ADAMTSL3: variants seen among roughly 807,000 people sequenced by gnomAD.
ADAMTSL3 encodes ADAMTS like 3, also known as ADAMTS-like protein 3.
In ADAMTSL3, 128 loss-of-function variants were observed where a neutral mutation model predicts 201.7. That is an observed-to-expected ratio of 0.63 (90% confidence interval 0.55 to 0.73). ADAMTSL3 has a LOEUF of 0.73. Among genes scored for constraint, ADAMTSL3 ranks in the 30% least tolerant of loss-of-function variants. The pLI, the probability that ADAMTSL3 is intolerant of heterozygous loss-of-function variation, is 0.00. For synonymous variants in ADAMTSL3, 738 were observed against 748.4 expected (o/e 0.99, Z 0.23); for missense variants, 1,990 against 2,119.6 (o/e 0.94, Z 1.20).
At chr15:83,974,874 G>T (rs1000075443) in intron 20 of ADAMTSL3, among the ~76,000 whole-genome samples, 1 of 152,028 alleles carries the variant, frequency 6.6e-6, no homozygotes. Flanking sequence ...AGGAACCCAG[G>T]CATGCCCTAT....
chr15:83,666,159 A>G (rs2061245645), intron 2 of ADAMTSL3, among the ~76,000 whole-genome samples: 1 of 152,166 alleles, frequency 6.6e-6, no homozygotes, highest in Non-Finnish European at 1.5e-5. Flanking sequence ...CATTTTGATA[A>G]CTATTTAAAA....
At chr15:83,818,893 T>C (rs1224912397) in intron 5 of ADAMTSL3, among the ~76,000 whole-genome samples, 1 of 152,186 alleles carries the variant, frequency 6.6e-6, no homozygotes, top group Non-Finnish European at 1.5e-5. Context: ...TTTTCTGCCG[T>C]CCATCCTACA....
intron 27 of ADAMTSL3, among the ~76,000 whole-genome samples, chr15:84,026,367 C>A (rs974185856): frequency 2.0e-4 from 31 of 152,270 alleles, no homozygotes; most frequent in Admixed American, 9.8e-4. Context: ...ACTAGTAACA[C>A]AATACTCTTG....
At chr15:83,676,755 C>T (rs2061411406) in intron 2 of ADAMTSL3, among the ~76,000 whole-genome samples, 1 of 152,184 alleles carries the variant, frequency 6.6e-6, no homozygotes, top group Non-Finnish European at 1.5e-5. Flanking sequence ...CTCATGAGGG[C>T]AAGCCCTCCT....
intron 8 of ADAMTSL3, among the ~76,000 whole-genome samples, chr15:83,866,331 T>A (rs2064975551): frequency 6.6e-6 from 1 of 152,218 alleles, no homozygotes; most frequent in South Asian, 2.1e-4. Flanking sequence ...GTGGCACTAT[T>A]CACAAAAGCA....
At chr15:83,834,732 C>A (rs1484996320) in intron 6 of ADAMTSL3, among the ~76,000 whole-genome samples, 1 of 152,132 alleles carries the variant, frequency 6.6e-6, no homozygotes, top group Admixed American at 6.5e-5. Flanking sequence ...TGTAACTTGT[C>A]TCATTAACTA....
chr15:83,862,932 A>C (rs2064897140), intron 8 of ADAMTSL3: 1 of 152,160 alleles, frequency 6.6e-6, no homozygotes, highest in Non-Finnish European at 1.5e-5. Flanking sequence ...AAGACCTACC[A>C]AGCAAATGGA....
Position 83,706,642 on chromosome 15 carries a change from T to C in ADAMTSL3, c.189+2134T>C, listed in dbSNP as rs2061855580. On this transcript the variant is annotated intron_variant, in intron 3 of 29. Transcript: ENST00000286744. ...AAATCCTGATTCTCTTTCCTCTTTT[T>C]TCTTTTCTTTTTTTTTGAGATTGGG... is the stretch of plus-strand genomic sequence containing the variant. Among the ~76,000 whole-genome samples, 3 of 152,126 alleles carry C rather than the reference T, an allele frequency of 2.0e-5. No homozygotes were observed. In the South Asian group the frequency reaches 6.2e-4, roughly 32 times the overall value.
intron 23 of ADAMTSL3, among the ~76,000 whole-genome samples, chr15:84,013,072 T>C (rs937094878): frequency 6.6e-6 from 1 of 152,192 alleles, no homozygotes; most frequent in African/African-American, 2.4e-5. Flanking sequence ...AGGCAATACT[T>C]CAGTGCCAAT....
In ADAMTSL3 at chr15:83,915,890, C is replaced by T. The variant is rs549487311; in HGVS notation, c.1987+2512C>T. ...GATATACAACATTTTACCCATTCAT[C>T]GGCTGATAGAAATTTGAGTTGTTTG... On this transcript the variant is annotated intron_variant, in intron 16 of 29. Transcript: ENST00000286744. 7.9e-5 allele frequency among the ~76,000 whole-genome samples: 12 copies of T among 152,268 alleles called. No individual in the cohort carries two copies. The East Asian group carries it at 1.9e-3, about 24-fold the overall frequency.
At chr15:83,684,771 G>T (rs937897236) in intron 2 of ADAMTSL3, among the ~76,000 whole-genome samples, 10 of 151,880 alleles carry the variant, frequency 6.6e-5, no homozygotes, top group Non-Finnish European at 2.9e-5. Flanking sequence ...TTATTCTCCT[G>T]TTGTACATTT....
chr15:83,973,428 T>C (rs556151245), intron 20 of ADAMTSL3, among the ~76,000 whole-genome samples: 1 of 152,310 alleles, frequency 6.6e-6, no homozygotes, highest in East Asian at 1.9e-4. Context: ...TACTGACCCC[T>C]GCTCAGCTTC....
At chr15:83,667,449 A>G (rs558137288) in intron 2 of ADAMTSL3, among the ~76,000 whole-genome samples, 26 of 152,232 alleles carry the variant, frequency 1.7e-4, no homozygotes, top group African/African-American at 4.8e-4. Context: ...ACAAACAACA[A>G]CAAAAAGAAC....
intron 2 of ADAMTSL3, among the ~76,000 whole-genome samples, chr15:83,676,479 C>G (rs1437995243): frequency 6.6e-6 from 1 of 151,998 alleles, no homozygotes; most frequent in African/African-American, 2.4e-5. Context: ...GAGATCGAGA[C>G]CATCCTGGCT....
intron 3 of ADAMTSL3, among the ~76,000 whole-genome samples, chr15:83,769,786 C>CTT (rs763339984): frequency 4.4e-5 from 6 of 135,168 alleles, no homozygotes; most frequent in African/African-American, 8.1e-5. Context: ...TTTAATTTTT[C>CTT]TTTTTTTTTT....
Position 83,773,557 on chromosome 15 carries a change from A to G in ADAMTSL3, c.224A>G (p.Asp75Gly). 1 of 1,614,050 alleles carries G rather than the reference A, an allele frequency of 6.2e-7. No homozygotes were observed. The highest frequency in any genetic ancestry group is 1.1e-5 in the South Asian group (1 of 91,080). The change falls in exon 4 of 30, where the codon GAT (aspartate) becomes GGT (glycine). Residue 75 changes from aspartate (D) to glycine (G), a missense_variant. By Grantham distance (94) the Asp-to-Gly change is moderately conservative. Coordinates refer to ENST00000286744, the MANE Select transcript of ADAMTSL3 (RefSeq NM_207517.3). ...AACACTCGTTCAGATGAAGACAAAG[A>G]TGGCAACTGGGATGCTTGGGGCGAC... ...SRNTRSDEDKDGNWDAWGDWS... is the reference protein window; with the variant it reads ...SRNTRSDEDKGGNWDAWGDWS...
intron 17 of ADAMTSL3, among the ~76,000 whole-genome samples, chr15:83,926,798 G>A (rs911290340): frequency 4.6e-5 from 7 of 152,082 alleles, no homozygotes; most frequent in African/African-American, 1.7e-4. Context: ...TGTATTTTTA[G>A]TAGAGATGGG....
intron 3 of ADAMTSL3, among the ~76,000 whole-genome samples, chr15:83,771,226 A>G (rs1227687027): frequency 1.4e-5 from 2 of 141,342 alleles, no homozygotes; most frequent in Non-Finnish European, 3.1e-5. Context: ...CCAATTCTCT[A>G]CTCTTAATTG....
chr15:83,722,530 T>C (rs1299499304), intron 3 of ADAMTSL3, among the ~76,000 whole-genome samples: 1 of 152,196 alleles, frequency 6.6e-6, no homozygotes, highest in Admixed American at 6.5e-5. Context: ...GAAATTGTTA[T>C]AGGCCTTATC....
Sources: gnomAD v4.1 joint callset for allele counts (sites outside exome capture counted in the v4.1 genomes callset) on GRCh38, gnomAD v4.1.1 for gene constraint, MANE v1.5 for transcripts, NCBI Gene and HGNC (gene_info 2026-07-23, HGNC 2026-07-21) for gene names.